TTC39B: variants seen among roughly 807,000 people sequenced by gnomAD.
TTC39B encodes tetratricopeptide repeat domain 39B.
A neutral mutation model predicts 96.6 loss-of-function variants in TTC39B; 92 were observed. That is an observed-to-expected ratio of 0.95 (90% CI 0.80 to 1.13). TTC39B has a LOEUF of 1.13. Among genes scored for constraint, TTC39B ranks in the 50% most tolerant of loss-of-function variants. The pLI is 0.00. For missense variants in TTC39B, 955 were observed against 809.3 expected (o/e 1.18, Z -2.18); for synonymous variants, 367 against 299.4 (o/e 1.23, Z -2.33).
At chr9:15,280,621 C>T (rs1247565417) in intron 1 of TTC39B, among the ~76,000 whole-genome samples, 9 of 152,144 alleles carry the variant, frequency 5.9e-5, no homozygotes, top group Non-Finnish European at 7.4e-5. Flanking sequence ...GATGATACCC[C>T]GCTTTTGCTT....
chr9:15,301,260 G>A (rs1824577819), intron 1 of TTC39B, among the ~76,000 whole-genome samples: 1 of 152,210 alleles, frequency 6.6e-6, no homozygotes, highest in African/African-American at 2.4e-5. Context: ...AGAGTGCCCT[G>A]CTTTGAATGA....
intron 17 of TTC39B, among the ~76,000 whole-genome samples, chr9:15,178,840 T>A (rs1189945068): frequency 2.0e-5 from 3 of 152,182 alleles, no homozygotes; most frequent in Admixed American, 2.0e-4. Context: ...AACACTTCCA[T>A]ATGGAGAAGC....
chr9:15,307,000 C>A lies in TTC39B; in HGVS notation c.240+84G>T. 1 of 1,542,550 alleles carries A rather than the reference C, an allele frequency of 6.5e-7. No individual in the cohort carries two copies. Among genetic ancestry groups the A allele is most frequent in the South Asian group, 1.2e-5 (1 of 83,874 alleles). ...GGGGACCAAGGGGGCGGGGCCTCGG[C>A]CGTCCTAGCCGGGCTCACTCTTCTC... On this transcript the variant is annotated intron_variant, in intron 1 of 19. Transcript: ENST00000512701. The surrounding 1 kb of genome is among the most constrained non-coding windows in gnomAD (Gnocchi z 5.1).
rs565752508 is a variant in TTC39B at position 15,306,079 on chromosome 9, G to T, written c.240+1005C>A. Among the ~76,000 whole-genome samples the T allele has an allele frequency of 6.6e-6, 1 of 152,282 alleles. No homozygotes were observed. The highest frequency in any genetic ancestry group is 6.5e-5 in the Admixed American group (1 of 15,290). On this transcript the variant is annotated intron_variant, in intron 1 of 19. Transcript: ENST00000512701. This position sits in a 1 kb window ranked among gnomAD's most constrained non-coding sequence, Gnocchi z 5.1. ...AGGAGATTCCTGGCACTAAAGAGAT[G>T]GACGGGAAACTTAACCGCCTCCTCC...
At chr9:15,175,675 C>T (rs566698861) in intron 18 of TTC39B, among the ~76,000 whole-genome samples, 2 of 152,024 alleles carry the variant, frequency 1.3e-5, no homozygotes, top group Admixed American at 1.3e-4. Flanking sequence ...CTTAGCTCAC[C>T]AGAACATAAG....
chr9:15,290,710 C>T (rs987633889), intron 1 of TTC39B, among the ~76,000 whole-genome samples: 1 of 152,222 alleles, frequency 6.6e-6, no homozygotes, highest in Non-Finnish European at 1.5e-5. Context: ...CCAGTGAACG[C>T]TAATCAAAGC....
rs12347250 is a variant in TTC39B at position 15,275,343 on chromosome 9, T to C, written c.241-7395A>G. Among the ~76,000 whole-genome samples the C allele has an allele frequency of 7.2e-3, 1,096 of 152,284 alleles. 19 individuals carry two copies. Among genetic ancestry groups the C allele is most frequent in the African/African-American group, 0.025 (1,050 of 41,558 alleles). ...GGCATGAGCCAACGCTCCCAGCCAG[T>C]TCTGTGTTCCTTTGTATTGCTTTGT... On this transcript the variant is annotated intron_variant, in intron 1 of 19. Transcript: ENST00000512701.
At position 15,214,400 on chromosome 9, in the gene TTC39B, A is replaced by G. The variant is rs147645401; in HGVS notation, c.372-151T>C. The G allele has an allele frequency of 1.6e-3, 975 of 607,248 alleles. 9 individuals carry two copies. In the African/African-American group the frequency reaches 0.016, roughly 10 times the overall value. The allele number at this position is 607,248 out of a possible 1,614,324, so 37.6% of individuals were successfully genotyped here. On this transcript the variant is annotated intron_variant, in intron 3 of 19. Transcript: ENST00000512701. ...TGTGTGTGGATTCTGGAGACAGGACAGGCTGGTTATACATAGGAAAAAAAT... is the reference window on the plus strand; with the variant it reads ...TGTGTGTGGATTCTGGAGACAGGACGGGCTGGTTATACATAGGAAAAAAAT...
chr9:15,272,573 G>T (rs1351895244), intron 1 of TTC39B, among the ~76,000 whole-genome samples: 2 of 152,218 alleles, frequency 1.3e-5, no homozygotes, highest in Non-Finnish European at 2.9e-5. Context: ...TGCTACTACT[G>T]TAGGGCCTGG....
chr9:15,306,825 G>A lies in TTC39B; in HGVS notation c.240+259C>T, dbSNP rs570369482. Among the ~76,000 whole-genome samples the A allele has an allele frequency of 1.3e-5, 2 of 152,244 alleles. No individual in the cohort carries two copies. The highest frequency in any genetic ancestry group is 3.9e-4 in the East Asian group (2 of 5,142). ...CCATCCAAGTGCTGGCAGGACGTGGGTCCTCCATCCCCACGACTCGCGGGG... is the reference window on the plus strand; with the variant it reads ...CCATCCAAGTGCTGGCAGGACGTGGATCCTCCATCCCCACGACTCGCGGGG... On this transcript the variant is annotated intron_variant, in intron 1 of 19. Transcript: ENST00000512701. This position sits in a 1 kb window ranked among gnomAD's most constrained non-coding sequence, Gnocchi z 5.1.
At chr9:15,182,570 T>C (rs1818305517) in intron 16 of TTC39B, among the ~76,000 whole-genome samples, 155 bp from the exon 17 acceptor site, 1 of 152,232 alleles carries the variant, frequency 6.6e-6, no homozygotes, top group Admixed American at 6.5e-5. Context: ...TTTTATACTG[T>C]GAAGCAATTC....
chr9:15,188,900 A>C (rs1424920878), intron 13 of TTC39B, among the ~76,000 whole-genome samples: 1 of 152,196 alleles, frequency 6.6e-6, no homozygotes, highest in Non-Finnish European at 1.5e-5. Context: ...AATGATGTTC[A>C]CAACAGTTTG....
At chr9:15,240,432 C>G (rs1379605843) in intron 2 of TTC39B, among the ~76,000 whole-genome samples, 1 of 152,160 alleles carries the variant, frequency 6.6e-6, no homozygotes, top group African/African-American at 2.4e-5. Context: ...CTTCCTCAAT[C>G]AAAACTGTAA....
intron 3 of TTC39B, among the ~76,000 whole-genome samples, chr9:15,222,430 ACT>A (rs1449368579): frequency 1.3e-5 from 2 of 152,108 alleles, no homozygotes; most frequent in Non-Finnish European, 2.9e-5. Flanking sequence ...CAAAACTGAA[ACT>A]CTGTACTCAT....
chr9:15,286,530 G>A (rs944309849), intron 1 of TTC39B, among the ~76,000 whole-genome samples: 2 of 152,186 alleles, frequency 1.3e-5, no homozygotes, highest in African/African-American at 4.8e-5. Context: ...TGGTCAAGGT[G>A]TTGTCCTATT....
At chr9:15,192,604 C>T in exon 9 of TTC39B, 1 of 1,613,782 alleles carries the variant, frequency 6.2e-7, no homozygotes, top group Non-Finnish European at 8.5e-7. Flanking sequence ...TTAAAGGCCC[C>T]ACTGCCAAGC....
chr9:15,240,991 G>A (rs924036556), intron 2 of TTC39B, among the ~76,000 whole-genome samples: 1 of 152,112 alleles, frequency 6.6e-6, no homozygotes, highest in African/African-American at 2.4e-5. Flanking sequence ...AACGAACAAT[G>A]ATTCATGCCT....
chr9:15,265,836 G>C (rs1316675009), intron 2 of TTC39B, among the ~76,000 whole-genome samples: 2 of 152,110 alleles, frequency 1.3e-5, no homozygotes, highest in Admixed American at 1.3e-4. Context: ...CAAATCATGA[G>C]GGGGGAAAAA....
Position 15,211,250 on chromosome 9 carries a change from T to G in TTC39B, c.614+16A>C, listed in dbSNP as rs1820182019. ...AGTTTGCAGTCACATCTTAAGTATT[T>G]AATGACTCGTCATACTTTTGGCAGG... On this transcript the variant is annotated intron_variant, in intron 5 of 19. Coordinates refer to ENST00000512701, the Ensembl canonical transcript of TTC39B. The G allele has an allele frequency of 2.0e-6, 3 of 1,506,934 alleles. No individual in the cohort carries two copies. The highest frequency in any genetic ancestry group is 2.7e-6 in the Non-Finnish European group (3 of 1,127,564). 93.3% of individuals were successfully genotyped at this position (1,506,934 alleles called of 1,614,324 possible).
Sources: gnomAD v4.1 joint callset for allele counts (sites outside exome capture counted in the v4.1 genomes callset) on GRCh38, gnomAD v4.1.1 for gene constraint, Gnocchi (gnomAD v3.1) non-coding constraint, MANE v1.5 for transcripts, NCBI Gene and HGNC (gene_info 2026-07-23, HGNC 2026-07-21) for gene names.